Variants in GPATCH2 observed in about 807,000 individuals in gnomAD.
GPATCH2 encodes G patch domain-containing protein 2.
GPATCH2 carries 51 observed loss-of-function variants against 58.0 expected under a neutral mutation model. The observed-to-expected ratio is 0.88, with a 90% CI of 0.70 to 1.11. The LOEUF (loss-of-function observed/expected upper bound fraction) is 1.11, where lower values mean the gene tolerates loss of function less well. Ranked by LOEUF, GPATCH2 falls within the 50% of genes most tolerant of loss-of-function variation. GPATCH2 has a pLI of 0.00. For missense variants in GPATCH2, 625 were observed against 652.2 expected (o/e 0.96, Z 0.45); for synonymous variants, 222 against 218.5 (o/e 1.02, Z -0.14).
intron 8 of GPATCH2, among the ~76,000 whole-genome samples, chr1:217,458,647 G>A (rs1052319051): frequency 2.0e-5 from 3 of 151,944 alleles, no homozygotes; most frequent in African/African-American, 7.3e-5. Flanking sequence ...GCTAACATTA[G>A]AGCAATGTAT....
intron 6 of GPATCH2, among the ~76,000 whole-genome samples, chr1:217,509,074 G>A (rs765983137): frequency 8.5e-5 from 13 of 152,128 alleles, no homozygotes; most frequent in African/African-American, 7.2e-5. Context: ...GAGTGGTGGC[G>A]CACGCCCATA....
At chr1:217,624,498 CAG>C (rs1163678874) in intron 1 of GPATCH2, among the ~76,000 whole-genome samples, 2 of 152,232 alleles carry the variant, frequency 1.3e-5, no homozygotes, top group Non-Finnish European at 2.9e-5. Flanking sequence ...GCCCGGGAGG[CAG>C]AGAGACTCTT....
At chr1:217,433,361 CATATAT>C (rs1183174400) in intron 9 of GPATCH2, among the ~76,000 whole-genome samples, 1 of 118,584 alleles carries the variant, frequency 8.4e-6, no homozygotes, top group Non-Finnish European at 1.8e-5. Context: ...TTAAGCTGTT[CATATAT>C]ATATATATAT....
At chr1:217,449,387 C>T (rs1328506584) in intron 8 of GPATCH2, 50 bp from the exon 9 acceptor site, 1 of 1,023,844 alleles carries the variant, frequency 9.8e-7, no homozygotes, top group Non-Finnish European at 1.6e-6. Context: ...AAAAATGACA[C>T]ATAAATACAC....
chr1:217,524,203 GC>G (rs1663679474), intron 5 of GPATCH2, among the ~76,000 whole-genome samples: 1 of 144,704 alleles, frequency 6.9e-6, no homozygotes, highest in Non-Finnish European at 1.5e-5. Context: ...GGGCGGAGGG[GC>G]TCCTCACTTC....
intron 5 of GPATCH2, among the ~76,000 whole-genome samples, chr1:217,549,941 C>A (rs995689975): frequency 6.6e-6 from 1 of 152,180 alleles, no homozygotes; most frequent in Non-Finnish European, 1.5e-5. Context: ...TATATACAAA[C>A]AAAATCATAC....
intron 5 of GPATCH2, among the ~76,000 whole-genome samples, chr1:217,544,760 A>G (rs921120288): frequency 1.3e-5 from 2 of 152,202 alleles, no homozygotes; most frequent in Non-Finnish European, 2.9e-5. Context: ...CCTCCCTGCC[A>G]TCCCCCACCT....
chr1:217,538,547 G>T (rs1476633741), intron 5 of GPATCH2, among the ~76,000 whole-genome samples: 1 of 152,126 alleles, frequency 6.6e-6, no homozygotes, highest in Non-Finnish European at 1.5e-5. Flanking sequence ...ATACATGAAG[G>T]TCTCAGGACA....
intron 5 of GPATCH2, among the ~76,000 whole-genome samples, chr1:217,542,950 A>C (rs1294185532): frequency 6.6e-6 from 1 of 152,060 alleles, no homozygotes; most frequent in Non-Finnish European, 1.5e-5. Flanking sequence ...CTCACTAAAG[A>C]GAGTAATCTA....
chr1:217,452,909 C>T (rs886928244), intron 8 of GPATCH2, among the ~76,000 whole-genome samples: 1 of 152,136 alleles, frequency 6.6e-6, no homozygotes, highest in African/African-American at 2.4e-5. Flanking sequence ...TGACTGTCTG[C>T]TACACAGCAT....
At chr1:217,446,886 C>T (rs2102548734) in intron 9 of GPATCH2, among the ~76,000 whole-genome samples, 1 of 152,254 alleles carries the variant, frequency 6.6e-6, no homozygotes, top group South Asian at 2.1e-4. Flanking sequence ...TTATATTATC[C>T]GCTCCTCAAC....
intron 8 of GPATCH2, among the ~76,000 whole-genome samples, chr1:217,477,395 G>A (rs1661014585): frequency 6.6e-6 from 1 of 152,076 alleles, no homozygotes; most frequent in African/African-American, 2.4e-5. Context: ...TTGGCCACAG[G>A]GGCACGGAGC....
chr1:217,461,974 T>C (rs1405303855), intron 8 of GPATCH2, among the ~76,000 whole-genome samples: 1 of 152,146 alleles, frequency 6.6e-6, no homozygotes, highest in Non-Finnish European at 1.5e-5. Context: ...AGGCTTGTGA[T>C]AAGTACGTGA....
At chr1:217,441,246 G>A (rs1012858654) in intron 9 of GPATCH2, among the ~76,000 whole-genome samples, 4 of 152,150 alleles carry the variant, frequency 2.6e-5, no homozygotes, top group Admixed American at 1.3e-4. Context: ...AGAAAAACAA[G>A]CAATGGGGAA....
intron 5 of GPATCH2, among the ~76,000 whole-genome samples, chr1:217,557,701 A>G (rs1665714838): frequency 1.3e-5 from 2 of 152,146 alleles, no homozygotes; most frequent in Non-Finnish European, 2.9e-5. Context: ...ACTGATCTAT[A>G]ATATTACCTT....
chr1:217,522,575 T>C (rs1004027690), intron 5 of GPATCH2, among the ~76,000 whole-genome samples: 1 of 152,226 alleles, frequency 6.6e-6, no homozygotes, highest in African/African-American at 2.4e-5. Flanking sequence ...TATGTTTACG[T>C]AAAATCCACT....
At chr1:217,571,559 G>C (rs1034362793) in intron 5 of GPATCH2, among the ~76,000 whole-genome samples, 1 of 151,518 alleles carries the variant, frequency 6.6e-6, no homozygotes, top group African/African-American at 2.4e-5. Flanking sequence ...AAGGTACAAG[G>C]GTTTGGAAAA....
chr1:217,561,025 T>TA, intron 5 of GPATCH2, among the ~76,000 whole-genome samples: 1 of 152,196 alleles, frequency 6.6e-6, no homozygotes, highest in East Asian at 1.9e-4. Flanking sequence ...ACTCAAAGTT[T>TA]AAAAATAAAC....
At chr1:217,543,301 G>C (rs1369668702) in intron 5 of GPATCH2, among the ~76,000 whole-genome samples, 1 of 132,316 alleles carries the variant, frequency 7.6e-6, no homozygotes, top group Non-Finnish European at 1.5e-5. Flanking sequence ...ACAGAGTCTC[G>C]CTCTGTCGCC....
Sources: allele counts gnomAD v4.1 joint callset (sites outside exome capture counted in the v4.1 genomes callset), GRCh38; gene constraint gnomAD v4.1.1; transcripts MANE v1.5; gene names NCBI Gene and HGNC (gene_info 2026-07-23, HGNC 2026-07-21).